Variants in DLGAP2 observed in about 807,000 individuals in gnomAD.
The protein encoded by DLGAP2 is disks large-associated protein 2.
Under a neutral mutation model 100.3 loss-of-function variants are expected in DLGAP2, and 26 were observed. The observed-to-expected ratio is 0.26, with a 90% confidence interval of 0.19 to 0.36. The LOEUF (loss-of-function observed/expected upper bound fraction) is 0.36. DLGAP2 is among the 10% of genes least tolerant of loss of function. DLGAP2 has a pLI of 1.00. For synonymous variants in DLGAP2, 886 were observed against 630.1 expected (o/e 1.41, Z -6.08); for missense variants, 1,858 against 1,453.2 (o/e 1.28, Z -4.53).
intron 3 of DLGAP2, among the ~76,000 whole-genome samples, chr8:1,437,465 G>A (rs1044566511): frequency 2.6e-5 from 4 of 152,116 alleles, no homozygotes; most frequent in Admixed American, 6.5e-5. Context: ...CGATGTTTTC[G>A]GTGAAGCGCT....
At chr8:1,134,625 C>A (rs533375194) in intron 2 of DLGAP2, among the ~76,000 whole-genome samples, 4 of 152,128 alleles carry the variant, frequency 2.6e-5, no homozygotes, top group Non-Finnish European at 5.9e-5. Flanking sequence ...TGTATAAGTT[C>A]GTTTTCACAC....
chr8:849,023 G>A (rs1039351650), intron 1 of DLGAP2, among the ~76,000 whole-genome samples: 2 of 152,166 alleles, frequency 1.3e-5, no homozygotes, highest in Admixed American at 1.3e-4. Context: ...TTCCAGTATA[G>A]GAATGTGCGG....
At chr8:1,182,699 G>A (rs1222404828) in intron 2 of DLGAP2, among the ~76,000 whole-genome samples, 1 of 152,200 alleles carries the variant, frequency 6.6e-6, no homozygotes, top group Admixed American at 6.5e-5. Context: ...AGTCTGCCCT[G>A]CCATCACGTC....
chr8:1,309,479 T>A (rs1056147046), intron 3 of DLGAP2, among the ~76,000 whole-genome samples: 7 of 151,900 alleles, frequency 4.6e-5, no homozygotes, highest in African/African-American at 1.5e-4. Context: ...GAAAAAAAAA[T>A]TTTAAGAAGT....
At chr8:1,651,885 C>T (rs1339662260) in intron 8 of DLGAP2, among the ~76,000 whole-genome samples, 1 of 152,216 alleles carries the variant, frequency 6.6e-6, no homozygotes, top group Non-Finnish European at 1.5e-5. Context: ...CCCGCCTGCA[C>T]CTCTGGTCAG....
chr8:1,638,917 G>T (rs1797832562), intron 8 of DLGAP2, among the ~76,000 whole-genome samples: 1 of 152,244 alleles, frequency 6.6e-6, no homozygotes, highest in Non-Finnish European at 1.5e-5. Context: ...CAGGATGGAG[G>T]TGATGCTGTT....
At chr8:919,754 G>A (rs140926757) in intron 2 of DLGAP2, among the ~76,000 whole-genome samples, 9 of 152,300 alleles carry the variant, frequency 5.9e-5, no homozygotes, top group Non-Finnish European at 1.2e-4. Flanking sequence ...GCCACCACCC[G>A]CCTCTCTTTC....
intron 3 of DLGAP2, among the ~76,000 whole-genome samples, chr8:1,325,513 A>T (rs1376874220): frequency 1.3e-5 from 2 of 152,180 alleles, no homozygotes; most frequent in Non-Finnish European, 2.9e-5. Context: ...ATCTGTAAAA[A>T]ACTTTGTACG....
chr8:1,216,776 A>C (rs1798222207), intron 2 of DLGAP2, among the ~76,000 whole-genome samples: 1 of 152,164 alleles, frequency 6.6e-6, no homozygotes, highest in Non-Finnish European at 1.5e-5. Context: ...CAAAAATCTC[A>C]GATTTTTCTG....
At chr8:1,195,206 C>A (rs1797725477) in intron 2 of DLGAP2, among the ~76,000 whole-genome samples, 1 of 152,132 alleles carries the variant, frequency 6.6e-6, no homozygotes, top group Non-Finnish European at 1.5e-5. Flanking sequence ...CATGGTCATC[C>A]CAGCTGGGAC....
chr8:1,566,949 G>A (rs569977966), intron 6 of DLGAP2, among the ~76,000 whole-genome samples: 16 of 152,292 alleles, frequency 1.1e-4, no homozygotes, highest in South Asian at 2.1e-4. Flanking sequence ...CCCTGAGACC[G>A]GGCCGCATGT....
In DLGAP2 at chr8:1,446,741, A is replaced by T. The variant is rs560550591; in HGVS notation, c.107-54625A>T. On this transcript the variant is annotated intron_variant, in intron 3 of 14. Coordinates refer to ENST00000637795, the MANE Select transcript of DLGAP2 (RefSeq NM_001346810.2). ...ACCAATGATCATGGAATGTTGTTTC[A>T]TTTCTTTGTATCCTCTTTTATTTCA... 2.6e-5 allele frequency among the ~76,000 whole-genome samples: 4 copies of T among 152,266 alleles called. No homozygotes were observed. The South Asian group carries it at 8.3e-4, about 32-fold the overall frequency.
chr8:1,422,593 G>C (rs909557153), intron 3 of DLGAP2, among the ~76,000 whole-genome samples: 7 of 149,794 alleles, frequency 4.7e-5, no homozygotes, highest in Admixed American at 4.0e-4. Context: ...GGGTGGAACA[G>C]ACAGGGTGGA....
chr8:1,615,988 C>A (rs1313912395), intron 6 of DLGAP2, among the ~76,000 whole-genome samples: 1 of 152,076 alleles, frequency 6.6e-6, no homozygotes, highest in Admixed American at 6.5e-5. Flanking sequence ...ATAAAAATGT[C>A]TGTTACAAGG....
chr8:1,139,659 A>G (rs1461248167), intron 2 of DLGAP2, among the ~76,000 whole-genome samples: 1 of 152,158 alleles, frequency 6.6e-6, no homozygotes, highest in East Asian at 1.9e-4. Context: ...AAGCCCAGGG[A>G]GACACTTTAT....
At chr8:1,483,503 G>C (rs559643719) in intron 3 of DLGAP2, among the ~76,000 whole-genome samples, 1 of 144,652 alleles carries the variant, frequency 6.9e-6, no homozygotes, top group African/African-American at 2.8e-5. Flanking sequence ...CGCAGAACGT[G>C]AGGACAAGGG....
chr8:1,494,231 A>T (rs1799479489), intron 3 of DLGAP2, among the ~76,000 whole-genome samples: 1 of 152,194 alleles, frequency 6.6e-6, no homozygotes, highest in African/African-American at 2.4e-5. Context: ...TTCCCTTCTC[A>T]TGTGTGAACC....
intron 6 of DLGAP2, among the ~76,000 whole-genome samples, chr8:1,594,756 T>C (rs1796398020): frequency 6.6e-6 from 1 of 152,118 alleles, no homozygotes; most frequent in South Asian, 2.1e-4. Flanking sequence ...CTAATAGAAC[T>C]AGAGTTTAAC....
At chr8:1,342,092 AG>A (rs1801431332) in intron 3 of DLGAP2, among the ~76,000 whole-genome samples, 1 of 152,070 alleles carries the variant, frequency 6.6e-6, no homozygotes, top group South Asian at 2.1e-4. Context: ...CTGGGGCAAC[AG>A]GCAGGTGCCC....
Sources: gnomAD v4.1 joint callset for allele counts (sites outside exome capture counted in the v4.1 genomes callset) on GRCh38, gnomAD v4.1.1 for gene constraint, MANE v1.5 for transcripts, NCBI Gene and HGNC (gene_info 2026-07-23, HGNC 2026-07-21) for gene names.